NIBAN2: variants seen among roughly 807,000 people sequenced by gnomAD.
The protein encoded by NIBAN2 is protein Niban 2.
Under a neutral mutation model 81.8 loss-of-function variants are expected in NIBAN2, and 36 were observed. The ratio of observed to expected loss-of-function variants is 0.44; its 90% confidence interval spans 0.34 to 0.58. The LOEUF (loss-of-function observed/expected upper bound fraction) is 0.58. Among genes scored for constraint, NIBAN2 ranks in the 20% least tolerant of loss-of-function variants. NIBAN2 has a pLI of 0.02. For synonymous variants in NIBAN2, 445 were observed against 441.6 expected, an observed-to-expected ratio of 1.01 and a Z score of -0.10; for missense variants, 897 against 1,014.1, an observed-to-expected ratio of 0.88 and a Z score of 1.57.
Position 127,563,806 on chromosome 9 carries a change from G to A in NIBAN2, c.55+5014C>T, listed in dbSNP as rs1470740482. ...TGGAATTACAAGCGTGAGTCACCGC[G>A]CCCAGCAGAGAGGTAAGTTTTTAAA... On this transcript the variant is annotated intron_variant, in intron 1 of 13. Transcript: ENST00000373312. This position sits in a 1 kb window ranked among gnomAD's most constrained non-coding sequence, Gnocchi z 4.1. Among the ~76,000 whole-genome samples the A allele has an allele frequency of 1.3e-5, 2 of 152,124 alleles. No individual in the cohort carries two copies. The highest frequency in any genetic ancestry group is 1.9e-4 in the East Asian group (1 of 5,198).
rs1448188057 is a variant in NIBAN2 at position 127,507,268 on chromosome 9, G to A, written c.1818C>T (p.Thr606=). The change falls in exon 14 of 14, where the codon ACC becomes ACT. Residue 606 remains threonine (T), a synonymous_variant. Coordinates refer to ENST00000373312, the MANE Select transcript of NIBAN2 (RefSeq NM_022833.4). The surrounding 1 kb of genome is among the most constrained non-coding windows in gnomAD (Gnocchi z 6.8). ...TTTCCGAGAGGGTGGCTGACTCCGG[G>A]GTGCTGGGGCTGGGGCTGCCGCCCC... is the stretch of plus-strand genomic sequence containing the variant. ...SGGGGSPSPS[T]PESATLSEKR... is the part of the protein sequence containing the mutation. 3 of 1,604,812 alleles carry A rather than the reference G, an allele frequency of 1.9e-6. No homozygotes were observed. Among genetic ancestry groups the A allele is most frequent in the Non-Finnish European group, 2.6e-6 (3 of 1,173,768 alleles).
chr9:127,506,703 GCC>G lies in NIBAN2; in HGVS notation c.*140_*141del, dbSNP rs1399670650. ...GAACCCAATAAAGTGACTCAGGTGG[GCC>G]CGCTCCCTGGCGGTGCCACACAGCC... is the stretch of plus-strand genomic sequence containing the variant. On this transcript the variant is annotated 3_prime_UTR_variant, in exon 14 of 14. Coordinates refer to ENST00000373312, the MANE Select transcript of NIBAN2 (RefSeq NM_022833.4). 1.6e-6 allele frequency: 1 copy of G among 620,614 alleles called. No homozygotes were observed. Among genetic ancestry groups the G allele is most frequent in the Non-Finnish European group, 2.6e-6 (1 of 381,498 alleles). 38.4% of individuals were successfully genotyped at this position (620,614 alleles called of 1,614,324 possible).
chr9:127,539,288 G>A (rs1356986122), intron 1 of NIBAN2, among the ~76,000 whole-genome samples: 1 of 152,146 alleles, frequency 6.6e-6, no homozygotes, highest in Admixed American at 6.5e-5. Context: ...TCTCATCCCA[G>A]TGACCCCTCA....
chr9:127,521,595 T>C lies in NIBAN2; in HGVS notation c.589+2084A>G, dbSNP rs186739684. 1.2e-3 allele frequency among the ~76,000 whole-genome samples: 179 copies of C among 145,286 alleles called. 1 individual carries two copies. Among genetic ancestry groups the C allele is most frequent in the African/African-American group, 4.5e-3 (178 of 39,432 alleles). On this transcript the variant is annotated intron_variant, in intron 5 of 13. Coordinates refer to ENST00000373312, the MANE Select transcript of NIBAN2 (RefSeq NM_022833.4). ...CCCCCGGAGTGAGCAATTCCAGGCTTCACAAATTCCAAGCCCAGCCTCCAA... is the reference window on the plus strand; with the variant it reads ...CCCCCGGAGTGAGCAATTCCAGGCTCCACAAATTCCAAGCCCAGCCTCCAA...
At chr9:127,574,360 G>A (rs977633774) in intron 1 of NIBAN2, among the ~76,000 whole-genome samples, 10 of 151,774 alleles carry the variant, frequency 6.6e-5, no homozygotes, top group Non-Finnish European at 1.3e-4. Flanking sequence ...AACCTGCCCC[G>A]CCCCTCCCCT....
intron 1 of NIBAN2, among the ~76,000 whole-genome samples, chr9:127,561,767 G>A (rs1351375496): frequency 3.9e-5 from 6 of 152,228 alleles, no homozygotes; most frequent in Non-Finnish European, 8.8e-5. Context: ...TAAAATTTTT[G>A]AGATCAAAAG....
chr9:127,537,166 G>T (rs893158231), intron 1 of NIBAN2, among the ~76,000 whole-genome samples: 1 of 152,194 alleles, frequency 6.6e-6, no homozygotes, highest in Admixed American at 6.5e-5. Context: ...GGAGCTTGAA[G>T]TCAGGACCAG....
At chr9:127,509,795 C>CCT (rs762763093) in intron 9 of NIBAN2, 5 of 115,136 alleles carry the variant, frequency 4.3e-5, no homozygotes, top group African/African-American at 9.7e-5. Flanking sequence ...TCCCTCCTTC[C>CCT]CTCCTCTCCT....
chr9:127,525,857 C>T (rs956125942), intron 3 of NIBAN2, among the ~76,000 whole-genome samples: 1 of 152,100 alleles, frequency 6.6e-6, no homozygotes, highest in African/African-American at 2.4e-5. Context: ...CTGAACTGCC[C>T]CCACCAATTT....
chr9:127,573,379 T>G (rs1588196691), upstream of NIBAN2, among the ~76,000 whole-genome samples: 1 of 151,710 alleles, frequency 6.6e-6, no homozygotes, highest in East Asian at 1.9e-4. Flanking sequence ...CTACTATATG[T>G]TAAGAAATCA....
intron 1 of NIBAN2, among the ~76,000 whole-genome samples, chr9:127,544,197 C>T (rs1259088767): frequency 6.6e-6 from 1 of 152,196 alleles, no homozygotes; most frequent in Non-Finnish European, 1.5e-5. Flanking sequence ...ACTTCCGTAT[C>T]CCTGGTACCT....
intron 1 of NIBAN2, among the ~76,000 whole-genome samples, chr9:127,577,992 C>A (rs535279104): frequency 1.3e-3 from 205 of 151,920 alleles, no homozygotes; most frequent in Middle Eastern, 3.4e-3. Context: ...AATTTGAGAC[C>A]AGCCTGGCCA....
chr9:127,552,693 T>G (rs922887029), intron 1 of NIBAN2, among the ~76,000 whole-genome samples: 12 of 141,212 alleles, frequency 8.5e-5, no homozygotes, highest in African/African-American at 1.3e-4. Flanking sequence ...CGTTTTTTTT[T>G]TTTTTTTTTT....
intron 1 of NIBAN2, 27 bp downstream of exon 1, chr9:127,568,793 G>T: frequency 7.7e-7 from 1 of 1,292,932 alleles, no homozygotes; most frequent in Non-Finnish European, 9.8e-7. Context: ...AGGCCCCTGG[G>T]CGCGCGTGGC....
chr9:127,555,903 T>C (rs7019652), intron 1 of NIBAN2, among the ~76,000 whole-genome samples: 1 of 152,098 alleles, frequency 6.6e-6, no homozygotes, highest in African/African-American at 2.4e-5. Context: ...TGAGCTTGAC[T>C]GGGCTGTTTC....
Position 127,506,949 on chromosome 9 carries a change from T to C in NIBAN2, c.2137A>G (p.Lys713Glu). Residue 713 changes from lysine (K) to glutamate (E), a missense_variant, in exon 14 of 14, where the codon AAG becomes GAG. Physicochemically the swap from Lys to Glu is moderately conservative, Grantham distance 56. Transcript: ENST00000373312. ...PGKAVDLGPP[K>E]PSDQETGEQV... ...TCTCCAGTCTCCTGGTCGCTGGGCTTGGGGGGCCCAAGGTCCACAGCCTTT... is the reference window on the plus strand; with the variant it reads ...TCTCCAGTCTCCTGGTCGCTGGGCTCGGGGGGCCCAAGGTCCACAGCCTTT... The C allele has an allele frequency of 6.2e-7, 1 of 1,608,376 alleles. No homozygotes were observed.
At position 127,509,061 on chromosome 9, in the gene NIBAN2, G is replaced by A. The variant is rs781775048; in HGVS notation, c.1232C>T (p.Ser411Leu). Residue 411 changes from serine (S) to leucine (L), a missense_variant, in exon 10 of 14, where the codon TCG (serine) becomes TTG (leucine). Transcript: ENST00000373312. ...KMQSCYEKME[S>L]LRLDGLQQRF... ...CTGCTGCAGCCCGTCCAGTCGCAGC[G>A]ACTCCATCTTCTCATAGCAGCTCTG... 2.5e-5 allele frequency: 40 copies of A among 1,613,570 alleles called. No individual in the cohort carries two copies. Among genetic ancestry groups the A allele is most frequent in the Middle Eastern group, 1.7e-4 (1 of 6,060 alleles).
At chr9:127,533,135 G>A (rs927935415) in intron 1 of NIBAN2, among the ~76,000 whole-genome samples, 2 of 151,858 alleles carry the variant, frequency 1.3e-5, no homozygotes, top group African/African-American at 4.8e-5. Flanking sequence ...CCCATCCTGG[G>A]TGACAGAGCA....
intron 1 of NIBAN2, among the ~76,000 whole-genome samples, chr9:127,566,983 T>G (rs1837869442): frequency 6.8e-6 from 1 of 146,780 alleles, no homozygotes; most frequent in Non-Finnish European, 1.5e-5. Flanking sequence ...AGCACTGAAG[T>G]GTGGAGAAGA....
Sources: gnomAD v4.1 joint callset for allele counts (sites outside exome capture counted in the v4.1 genomes callset) on GRCh38, gnomAD v4.1.1 for gene constraint, Gnocchi (gnomAD v3.1) non-coding constraint, MANE v1.5 for transcripts, NCBI Gene and HGNC (gene_info 2026-07-23, HGNC 2026-07-21) for gene names.